The following HS6ST3 variants were observed in gnomAD, a reference collection of about 807,000 sequenced individuals.
HS6ST3 encodes the protein heparan-sulfate 6-O-sulfotransferase 3.
In HS6ST3, 12 loss-of-function variants were observed where a neutral mutation model predicts 36.7. That is an observed-to-expected ratio of 0.33 (90% CI 0.21 to 0.53). The LOEUF (loss-of-function observed/expected upper bound fraction) is 0.53. Ranked by LOEUF, HS6ST3 falls within the 20% of genes least tolerant of loss-of-function variation. The pLI is 0.95. For synonymous variants in HS6ST3, 240 were observed against 257.5 expected (o/e 0.93, Z 0.65); for missense variants, 584 against 640.9 (o/e 0.91, Z 0.96).
intron 1 of HS6ST3, among the ~76,000 whole-genome samples, chr13:96,642,010 G>C (rs2056571934): frequency 2.0e-5 from 3 of 151,596 alleles, no homozygotes; most frequent in African/African-American, 7.3e-5. Flanking sequence ...TTGAATTACT[G>C]TTTACTGTTC....
intron 1 of HS6ST3, among the ~76,000 whole-genome samples, chr13:96,460,790 G>C (rs1197384862): frequency 6.6e-6 from 1 of 152,188 alleles, no homozygotes; most frequent in Non-Finnish European, 1.5e-5. Flanking sequence ...AGGTCTGGCA[G>C]TGTGCCCACT....
intron 1 of HS6ST3, among the ~76,000 whole-genome samples, chr13:96,530,319 G>A (rs1471982528): frequency 6.6e-6 from 1 of 152,118 alleles, no homozygotes; most frequent in Non-Finnish European, 1.5e-5. Flanking sequence ...GATCTGGATA[G>A]TGAATGCAGT....
chr13:96,127,979 A>G (rs1303060712), intron 1 of HS6ST3, among the ~76,000 whole-genome samples: 2 of 152,186 alleles, frequency 1.3e-5, no homozygotes, highest in African/African-American at 2.4e-5. Flanking sequence ...ACTTAAGTAT[A>G]TATACCCAAC....
intron 1 of HS6ST3, among the ~76,000 whole-genome samples, chr13:96,675,382 ATATT>A (rs1320111424): frequency 7.9e-5 from 12 of 152,056 alleles, no homozygotes; most frequent in Admixed American, 1.3e-4. Flanking sequence ...TATTTATGTC[ATATT>A]TATATATGTC....
chr13:96,735,034 G>A (rs1205728717), intron 1 of HS6ST3, among the ~76,000 whole-genome samples: 1 of 152,134 alleles, frequency 6.6e-6, no homozygotes, highest in East Asian at 1.9e-4. Flanking sequence ...GCTGGATTTT[G>A]ACATTTATAC....
intron 1 of HS6ST3, among the ~76,000 whole-genome samples, chr13:96,250,442 A>G (rs1389954765): frequency 6.6e-6 from 1 of 152,214 alleles, no homozygotes; most frequent in African/African-American, 2.4e-5. Context: ...GTGTCCTAGT[A>G]AGAGACAGAA....
intron 1 of HS6ST3, among the ~76,000 whole-genome samples, chr13:96,408,339 G>A (rs902776230): frequency 1.3e-5 from 2 of 152,118 alleles, no homozygotes; most frequent in Non-Finnish European, 2.9e-5. Flanking sequence ...CAACATATGA[G>A]TCCAGTGGCA....
chr13:96,620,298 T>A (rs924781339), intron 1 of HS6ST3, among the ~76,000 whole-genome samples: 6 of 152,210 alleles, frequency 3.9e-5, no homozygotes, highest in Admixed American at 2.0e-4. Context: ...GACTGTTTTT[T>A]AAAAATGCTT....
chr13:96,581,208 A>T (rs1436772624), intron 1 of HS6ST3, among the ~76,000 whole-genome samples: 2 of 149,520 alleles, frequency 1.3e-5, no homozygotes, highest in East Asian at 3.9e-4. Flanking sequence ...CAGTCATTTC[A>T]TGCAACAACT....
intron 1 of HS6ST3, among the ~76,000 whole-genome samples, chr13:96,695,846 T>A (rs547858816): frequency 6.6e-6 from 1 of 152,236 alleles, no homozygotes; most frequent in South Asian, 2.1e-4. Context: ...TTAACAGCAG[T>A]AATGAAAATT....
In HS6ST3 at chr13:96,112,553, T is replaced by G. The variant is rs2139300919; in HGVS notation, c.707+20984T>G. ...TTTGAGACCAGGTTGGGCAACATGA[T>G]AAAACCCCATCTCTAAAATAAATAA... On this transcript the variant is annotated intron_variant, in intron 1 of 1. Coordinates refer to ENST00000376705, the MANE Select transcript of HS6ST3 (RefSeq NM_153456.4). Among the ~76,000 whole-genome samples, 2 of 122,552 alleles carry G rather than the reference T, an allele frequency of 1.6e-5. 1 individual carries two copies. The highest frequency in any genetic ancestry group is 1.9e-4 in the Admixed American group (2 of 10,726). 80.4% of individuals were successfully genotyped at this position (122,552 alleles called of 152,430 possible).
intron 1 of HS6ST3, among the ~76,000 whole-genome samples, chr13:96,628,793 T>A (rs1287432493): frequency 6.6e-6 from 1 of 152,000 alleles, no homozygotes; most frequent in South Asian, 2.1e-4. Context: ...TTTTTATCCT[T>A]TTACATCCTT....
intron 1 of HS6ST3, among the ~76,000 whole-genome samples, chr13:96,153,137 C>T (rs2054095246): frequency 6.6e-6 from 1 of 152,146 alleles, no homozygotes; most frequent in Non-Finnish European, 1.5e-5. Context: ...CACACACCTA[C>T]ATCTCCAACC....
intron 1 of HS6ST3, among the ~76,000 whole-genome samples, chr13:96,601,694 A>G (rs2056422179): frequency 6.6e-6 from 1 of 151,968 alleles, no homozygotes; most frequent in Non-Finnish European, 1.5e-5. Context: ...TTTTTTTCAT[A>G]TTACGAGAAT....
At chr13:96,559,594 A>G (rs1298590741) in intron 1 of HS6ST3, among the ~76,000 whole-genome samples, 1 of 152,186 alleles carries the variant, frequency 6.6e-6, no homozygotes, top group Non-Finnish European at 1.5e-5. Flanking sequence ...AGCTAGGAAA[A>G]AGGGGTGTAG....
chr13:96,738,961 A>C (rs1358262211), intron 1 of HS6ST3, among the ~76,000 whole-genome samples: 1 of 152,144 alleles, frequency 6.6e-6, no homozygotes, highest in Middle Eastern at 3.2e-3. Flanking sequence ...TTGTTGTTCC[A>C]CTAAAACTCT....
At chr13:96,517,994 G>A (rs2056079248) in intron 1 of HS6ST3, among the ~76,000 whole-genome samples, 1 of 152,162 alleles carries the variant, frequency 6.6e-6, no homozygotes, top group African/African-American at 2.4e-5. Flanking sequence ...TAAAGAAAAT[G>A]TGGTACATAT....
intron 1 of HS6ST3, among the ~76,000 whole-genome samples, chr13:96,811,125 G>C (rs992784320): frequency 1.3e-5 from 2 of 152,074 alleles, no homozygotes; most frequent in African/African-American, 4.8e-5. Flanking sequence ...GAAGTAAAAT[G>C]AACATTTTTA....
chr13:96,367,546 C>T (rs151167504), intron 1 of HS6ST3, among the ~76,000 whole-genome samples: 80 of 152,282 alleles, frequency 5.3e-4, no homozygotes, highest in Admixed American at 1.4e-3. Context: ...CACCTAATCT[C>T]CTGCTTCTCA....
Sources: gnomAD v4.1 joint callset for allele counts (sites outside exome capture counted in the v4.1 genomes callset) on GRCh38, gnomAD v4.1.1 for gene constraint, MANE v1.5 for transcripts, NCBI Gene and HGNC (gene_info 2026-07-23, HGNC 2026-07-21) for gene names.